Variants in NGEF observed in about 807,000 individuals in gnomAD.
NGEF encodes the protein ephexin-1.
NGEF carries 31 observed loss-of-function variants against 80.9 expected under a neutral mutation model. The ratio of observed to expected loss-of-function variants is 0.38; its 90% CI spans 0.29 to 0.52. NGEF has a LOEUF of 0.52. NGEF is among the 20% of genes least tolerant of loss of function. The pLI, the probability that NGEF is intolerant of heterozygous loss-of-function variation, is 0.84. For missense variants in NGEF, 709 were observed against 926.2 expected, an observed-to-expected ratio of 0.77 and a Z score of 3.04; for synonymous variants, 371 against 370.2, an observed-to-expected ratio of 1.00 and a Z score of -0.03.
intron 1 of NGEF, among the ~76,000 whole-genome samples, chr2:233,003,187 A>G (rs1377380290): frequency 6.6e-6 from 1 of 152,148 alleles, no homozygotes; most frequent in African/African-American, 2.4e-5. Flanking sequence ...CCTGGTGCAT[A>G]CAAGACAGCT....
chr2:232,964,843 G>A (rs1694024443), intron 3 of NGEF, among the ~76,000 whole-genome samples: 1 of 152,220 alleles, frequency 6.6e-6, no homozygotes, highest in Non-Finnish European at 1.5e-5. Context: ...CAATCTGATG[G>A]TGATAGATGT....
chr2:232,927,737 C>G (rs935676369), intron 3 of NGEF, among the ~76,000 whole-genome samples: 9 of 151,944 alleles, frequency 5.9e-5, no homozygotes, highest in African/African-American at 1.7e-4. Flanking sequence ...GGGGTGCGGG[C>G]CCGACGGGGC....
At chr2:232,978,145 A>T (rs1330165576) in intron 1 of NGEF, among the ~76,000 whole-genome samples, 1 of 139,068 alleles carries the variant, frequency 7.2e-6, no homozygotes, top group Admixed American at 7.2e-5. Flanking sequence ...CTGTGTTGTG[A>T]TCCTAACATG....
chr2:232,888,493 A>C (rs1691774762), intron 8 of NGEF, among the ~76,000 whole-genome samples: 1 of 151,586 alleles, frequency 6.6e-6, no homozygotes, highest in African/African-American at 2.4e-5. Flanking sequence ...ACATGTACAC[A>C]CGTGTACAAA....
chr2:232,884,662 T>C (rs760920911), intron 10 of NGEF, among the ~76,000 whole-genome samples: 1 of 152,168 alleles, frequency 6.6e-6, no homozygotes, highest in Non-Finnish European at 1.5e-5. Context: ...AACGGCCGCC[T>C]GGCAGACGAT....
At chr2:232,993,095 A>G (rs1173827370) in intron 1 of NGEF, among the ~76,000 whole-genome samples, 6 of 45,488 alleles carry the variant, frequency 1.3e-4, no homozygotes, top group Admixed American at 3.0e-4. Flanking sequence ...AAATATATAT[A>G]TAAATAAATA....
At chr2:232,964,641 T>C (rs1694021328) in intron 3 of NGEF, among the ~76,000 whole-genome samples, 1 of 152,106 alleles carries the variant, frequency 6.6e-6, no homozygotes, top group Admixed American at 6.6e-5. Context: ...TGAACTGAGA[T>C]TTTGCCACTG....
intron 13 of NGEF, 139 bp from the exon 14 acceptor site, chr2:232,881,389 G>T: frequency 1.5e-6 from 1 of 647,366 alleles, no homozygotes; most frequent in Non-Finnish European, 2.7e-6. Context: ...AGGAAGAGGA[G>T]GATTTGTTTC....
At chr2:232,981,174 A>G (rs1694409096) in intron 1 of NGEF, among the ~76,000 whole-genome samples, 1 of 148,586 alleles carries the variant, frequency 6.7e-6, no homozygotes, top group Admixed American at 6.8e-5. Context: ...TGCAAAAAGT[A>G]TAACTGAGGA....
chr2:232,899,279 C>A (rs1297267028), intron 5 of NGEF, among the ~76,000 whole-genome samples: 1 of 148,962 alleles, frequency 6.7e-6, no homozygotes, highest in Non-Finnish European at 1.5e-5. Context: ...AGCTCCTCCT[C>A]AGGGAATGCG....
chr2:232,981,146 A>G (rs1205215013), intron 1 of NGEF, among the ~76,000 whole-genome samples: 1 of 70,496 alleles, frequency 1.4e-5, no homozygotes, highest in African/African-American at 7.5e-5. Flanking sequence ...GGGCCTCCCA[A>G]GCACCTGGAA....
intron 3 of NGEF, among the ~76,000 whole-genome samples, chr2:232,957,052 C>T (rs1170311671): frequency 6.6e-6 from 1 of 151,610 alleles, no homozygotes; most frequent in Non-Finnish European, 1.5e-5. Flanking sequence ...AAAGCTAAAA[C>T]ACAAAGGGAG....
At position 232,879,851 on chromosome 2, in the gene NGEF, AC is replaced by A. The variant is rs1321047619; in HGVS notation, c.1943-173del. Among the ~76,000 whole-genome samples the A allele has an allele frequency of 2.0e-5, 3 of 152,228 alleles. No individual in the cohort carries two copies. In the East Asian group the frequency reaches 5.8e-4, roughly 29 times the overall value. On this transcript the variant is annotated intron_variant, in intron 14 of 14. Coordinates refer to ENST00000264051, the MANE Select transcript of NGEF (RefSeq NM_019850.3). Reference sequence around the variant, plus strand: ...CTGCCGAGATGCTCAGACTGGAGTCACCCCCATAAGCTGGGAGGTGCATGAG... The same window carrying A: ...CTGCCGAGATGCTCAGACTGGAGTCACCCCATAAGCTGGGAGGTGCATGAG...
chr2:232,980,477 G>A (rs954392819), intron 1 of NGEF, among the ~76,000 whole-genome samples: 1 of 152,070 alleles, frequency 6.6e-6, no homozygotes, highest in Admixed American at 6.6e-5. Context: ...GGTCCTGGGT[G>A]GGGGCTGAGA....
chr2:232,939,280 T>C (rs957092938), intron 3 of NGEF, among the ~76,000 whole-genome samples: 5 of 150,792 alleles, frequency 3.3e-5, no homozygotes, highest in South Asian at 4.2e-4. Flanking sequence ...ATAAACTACA[T>C]AGTTAAATCT....
At chr2:232,900,637 CAT>C (rs1338198541) in intron 5 of NGEF, among the ~76,000 whole-genome samples, 1 of 149,716 alleles carries the variant, frequency 6.7e-6, no homozygotes, top group African/African-American at 2.5e-5. Flanking sequence ...CACAGTCACT[CAT>C]ATACACGTTC....
intron 1 of NGEF, among the ~76,000 whole-genome samples, chr2:232,988,199 G>A (rs1694578229): frequency 2.0e-5 from 3 of 152,134 alleles, no homozygotes; most frequent in African/African-American, 4.8e-5. Flanking sequence ...GGGGAGGAGG[G>A]GAGGTGGGGA....
intron 11 of NGEF, 45 bp downstream of exon 11, chr2:232,883,936 C>T: frequency 6.4e-7 from 1 of 1,555,722 alleles, no homozygotes; most frequent in East Asian, 2.3e-5. Context: ...GCCCAACACA[C>T]TCCTCTACCC....
intron 1 of NGEF, among the ~76,000 whole-genome samples, chr2:232,989,282 T>G (rs1054896938): frequency 2.0e-5 from 3 of 152,118 alleles, no homozygotes; most frequent in African/African-American, 7.2e-5. Context: ...ACCCTGTCTC[T>G]ACTAAAAATA....
Sources: gnomAD v4.1 joint callset for allele counts (sites outside exome capture counted in the v4.1 genomes callset) on GRCh38, gnomAD v4.1.1 for gene constraint, MANE v1.5 for transcripts, NCBI Gene and HGNC (gene_info 2026-07-23, HGNC 2026-07-21) for gene names.